The following NRXN1 variants were observed in gnomAD, a reference collection of about 807,000 sequenced individuals.
NRXN1 encodes neurexin 1, also known as neurexin-1.
NRXN1 carries 39 observed loss-of-function variants against 150.9 expected under a neutral mutation model. The observed-to-expected ratio is 0.26, with a 90% CI of 0.20 to 0.34. The LOEUF (loss-of-function observed/expected upper bound fraction) is 0.34, where lower values mean the gene tolerates loss of function less well. Ranked by LOEUF, NRXN1 falls within the 10% of genes least tolerant of loss-of-function variation. The pLI is 1.00. For synonymous variants in NRXN1, 924 were observed against 757.0 expected (o/e 1.22, Z -3.62); for missense variants, 1,815 against 1,949.9 (o/e 0.93, Z 1.30).
At chr2:50,272,256 G>T (rs2069785902) in intron 17 of NRXN1, among the ~76,000 whole-genome samples, 1 of 152,184 alleles carries the variant, frequency 6.6e-6, no homozygotes, top group South Asian at 2.1e-4. Context: ...ATCACCACAG[G>T]TCAGACCTAT....
intron 17 of NRXN1, among the ~76,000 whole-genome samples, chr2:50,239,675 T>TAC (rs2065815912): frequency 2.6e-5 from 1 of 38,822 alleles, no homozygotes; most frequent in South Asian, 7.2e-4. Context: ...TATATATATA[T>TAC]ATATATATAT....
intron 2 of NRXN1, among the ~76,000 whole-genome samples, chr2:50,955,912 C>T (rs1195955106): frequency 2.6e-5 from 4 of 152,144 alleles, no homozygotes; most frequent in East Asian, 1.9e-4. Context: ...GAGGACAGTC[C>T]GTTTTCCCAG....
At chr2:50,078,547 C>CT (rs200045590) in intron 19 of NRXN1, among the ~76,000 whole-genome samples, 3,490 of 152,080 alleles carry the variant, frequency 0.023, 135 homozygotes, top group African/African-American at 0.079. Flanking sequence ...AACTAATGTC[C>CT]TTTTTCTATT....
intron 2 of NRXN1, among the ~76,000 whole-genome samples, chr2:51,025,988 G>C (rs567385774): frequency 6.6e-6 from 1 of 151,934 alleles, no homozygotes; most frequent in South Asian, 2.1e-4. Flanking sequence ...GAAGGCTACA[G>C]AAGTCTCCTA....
intron 5 of NRXN1, among the ~76,000 whole-genome samples, chr2:50,665,900 G>A (rs904046110): frequency 5.9e-5 from 9 of 151,802 alleles, no homozygotes; most frequent in Admixed American, 4.6e-4. Flanking sequence ...TTAAGACACC[G>A]TTGACATTCA....
At chr2:50,427,739 C>T (rs12473243) in intron 17 of NRXN1, among the ~76,000 whole-genome samples, 41,893 of 152,086 alleles carry the variant, frequency 0.28, 5,959 homozygotes, top group East Asian at 0.39. Flanking sequence ...AGTAATTGAA[C>T]TTTCCTTTGG....
chr2:50,645,541 G>A (rs1211464487), intron 5 of NRXN1, among the ~76,000 whole-genome samples: 2 of 151,906 alleles, frequency 1.3e-5, no homozygotes, highest in African/African-American at 2.4e-5. Flanking sequence ...GACTTTTGTT[G>A]TTATGGTAGT....
rs1340892054 is a variant in NRXN1, at chr2:50,328,472, C to T, written c.3365-91502G>A. On this transcript the variant is annotated intron_variant, in intron 17 of 22. Transcript: ENST00000401669. ...GAAACTTCGGTTGGGTGTGGTGGCTCACACCTATAATCCCAGCACTTTGGG... is the reference window on the plus strand; with the variant it reads ...GAAACTTCGGTTGGGTGTGGTGGCTTACACCTATAATCCCAGCACTTTGGG... Among the ~76,000 whole-genome samples, 12 of 152,108 alleles carry T rather than the reference C, an allele frequency of 7.9e-5. No homozygotes were observed. In the East Asian group the frequency reaches 2.1e-3, roughly 27 times the overall value.
chr2:50,294,055 C>A (rs772084888), intron 17 of NRXN1, among the ~76,000 whole-genome samples: 5 of 152,180 alleles, frequency 3.3e-5, no homozygotes, highest in Non-Finnish European at 5.9e-5. Flanking sequence ...AGTGTCTGTG[C>A]ACTAAGTGTA....
At chr2:50,759,648 TA>T (rs1234699378) in intron 5 of NRXN1, among the ~76,000 whole-genome samples, 1 of 151,890 alleles carries the variant, frequency 6.6e-6, no homozygotes, top group Admixed American at 6.6e-5. Flanking sequence ...GGAATATCAG[TA>T]AGTTTCAGAA....
At chr2:50,286,410 C>T (rs1253449685) in intron 17 of NRXN1, among the ~76,000 whole-genome samples, 1 of 152,116 alleles carries the variant, frequency 6.6e-6, no homozygotes, top group East Asian at 1.9e-4. Flanking sequence ...ATAGCTATTT[C>T]AATTCACATA....
intron 8 of NRXN1, among the ~76,000 whole-genome samples, chr2:50,582,805 T>A (rs1045914474): frequency 2.6e-5 from 4 of 152,170 alleles, no homozygotes; most frequent in Non-Finnish European, 5.9e-5. Context: ...CTGAACCATA[T>A]GGTTTCAGTT....
chr2:50,828,977 G>A (rs188593634), intron 5 of NRXN1, among the ~76,000 whole-genome samples: 6,022 of 152,314 alleles, frequency 0.04, 270 homozygotes, highest in East Asian at 0.14. Flanking sequence ...CTGCAATCCC[G>A]GCACCTCGGG....
chr2:50,458,674 G>T (rs2087844385), intron 17 of NRXN1, among the ~76,000 whole-genome samples: 1 of 151,812 alleles, frequency 6.6e-6, no homozygotes, highest in Admixed American at 6.6e-5. Flanking sequence ...CCTCCTCTCG[G>T]GTTCAAGTGA....
At chr2:50,467,299 G>A (rs910734034) in intron 16 of NRXN1, among the ~76,000 whole-genome samples, 1 of 151,536 alleles carries the variant, frequency 6.6e-6, no homozygotes, top group Non-Finnish European at 1.5e-5. Context: ...AGAGGAGGGT[G>A]AAAAGGGAAT....
chr2:50,891,827 A>C (rs1681107106), intron 5 of NRXN1, among the ~76,000 whole-genome samples: 1 of 152,074 alleles, frequency 6.6e-6, no homozygotes, highest in African/African-American at 2.4e-5. Context: ...TAGCGGGCAA[A>C]GACTTCTCAA....
intron 15 of NRXN1, among the ~76,000 whole-genome samples, chr2:50,485,651 C>G (rs2090817165): frequency 6.6e-6 from 1 of 152,216 alleles, no homozygotes; most frequent in African/African-American, 2.4e-5. Context: ...GCCCCAAGTG[C>G]ATGACAGCAA....
intron 5 of NRXN1, among the ~76,000 whole-genome samples, chr2:50,819,426 C>T (rs1216979820): frequency 6.6e-6 from 1 of 152,094 alleles, no homozygotes; most frequent in African/African-American, 2.4e-5. Context: ...AAACCAGTCA[C>T]AGGAGACAAA....
chr2:49,954,836 GTTTTA>G lies in NRXN1; in HGVS notation c.4129-11050_4129-11046del, dbSNP rs1322146986. Among the ~76,000 whole-genome samples, 16 of 152,178 alleles carry G rather than the reference GTTTTA, an allele frequency of 1.1e-4. No individual in the cohort carries two copies. In the East Asian group the frequency reaches 3.1e-3, roughly 29 times the overall value. On this transcript the variant is annotated intron_variant, in intron 21 of 22. Transcript: ENST00000401669. The stretch of plus-strand genomic sequence containing the variant: ...AAGTATGAAGACTGCTTAGTGATAT[GTTTTA>G]TTTTATTTCATATGCTGCTTTTGGG...
Sources: allele counts gnomAD v4.1 joint callset (sites outside exome capture counted in the v4.1 genomes callset), GRCh38; gene constraint gnomAD v4.1.1; transcripts MANE v1.5; gene names NCBI Gene and HGNC (gene_info 2026-07-23, HGNC 2026-07-21).